SLCO1A2: variants seen among roughly 807,000 people sequenced by gnomAD.
SLCO1A2 encodes OATP-1.
Under a neutral mutation model 69.0 loss-of-function variants are expected in SLCO1A2, and 67 were observed. The observed-to-expected ratio is 0.97, with a 90% CI of 0.80 to 1.19. The LOEUF is 1.19. Ranked by LOEUF, SLCO1A2 falls within the 50% of genes most tolerant of loss-of-function variation. The pLI is 0.00. For synonymous variants in SLCO1A2, 260 were observed against 265.9 expected (o/e 0.98, Z 0.22); for missense variants, 787 against 793.7 (o/e 0.99, Z 0.10).
At chr12:21,325,242 A>T (rs539338524) in intron 2 of SLCO1A2, among the ~76,000 whole-genome samples, 4 of 152,310 alleles carry the variant, frequency 2.6e-5, no homozygotes, top group Admixed American at 2.6e-4. Context: ...ACATGACTTC[A>T]GTTTCATAGT....
At chr12:21,342,616 C>T (rs964025968) in intron 2 of SLCO1A2, among the ~76,000 whole-genome samples, 16 of 151,828 alleles carry the variant, frequency 1.1e-4, no homozygotes, top group African/African-American at 3.9e-4. Flanking sequence ...GTGTATGTCA[C>T]AAATTAAATA....
At chr12:21,308,712 A>G (rs1949734822) in intron 4 of SLCO1A2, among the ~76,000 whole-genome samples, 2 of 152,236 alleles carry the variant, frequency 1.3e-5, no homozygotes, top group African/African-American at 4.8e-5. Context: ...AGATTGAAGA[A>G]TTCCTGTCTA....
intron 2 of SLCO1A2, among the ~76,000 whole-genome samples, chr12:21,341,446 GTAA>G (rs1159545869): frequency 1.3e-5 from 1 of 77,510 alleles, no homozygotes; most frequent in East Asian, 0.019. Context: ...CTTTAAAAAT[GTAA>G]TAAGAATATA....
In SLCO1A2 at chr12:21,306,662, A is replaced by T. The variant is rs552297014; in HGVS notation, c.442+220T>A. On this transcript the variant is annotated intron_variant, in intron 5 of 14. Transcript: ENST00000683939. The stretch of plus-strand genomic sequence containing the variant: ...TTTTTAGATAACATGTTAATAAATA[A>T]ACAAGGAACTCTCAATAAATACATT... Among the ~76,000 whole-genome samples, 180 of 152,318 alleles carry T rather than the reference A, an allele frequency of 1.2e-3. 1 individual carries two copies. The highest frequency in any genetic ancestry group is 3.9e-3 in the African/African-American group (162 of 41,582).
At chr12:21,386,612 T>A (rs1199644862) in intron 1 of SLCO1A2, among the ~76,000 whole-genome samples, 3 of 152,134 alleles carry the variant, frequency 2.0e-5, no homozygotes, top group Admixed American at 2.0e-4. Flanking sequence ...CATGATTGTG[T>A]GGCCCCCCCA....
rs1022619897 is a variant in SLCO1A2 at position 21,389,766 on chromosome 12, A to C, written c.-190+5140T>G. ...ACACATACAAATCACAAATGGCATA[A>C]GTGCCACTAAGAAATGAAGAAAAAG... On this transcript the variant is annotated intron_variant, in intron 1 of 15. Transcript: ENST00000307378. Among the ~76,000 whole-genome samples, 15 of 152,030 alleles carry C rather than the reference A, an allele frequency of 9.9e-5. No individual in the cohort carries two copies. The East Asian group carries it at 2.9e-3, about 29-fold the overall frequency.
chr12:21,334,533 C>T (rs183710893), intron 2 of SLCO1A2, 55 bp downstream of exon 2: 11 of 1,299,908 alleles, frequency 8.5e-6, no homozygotes, highest in Admixed American at 5.5e-5. Flanking sequence ...CCAGGACTGT[C>T]GTATTTTAAA....
chr12:21,374,529 C>A (rs926674578), intron 1 of SLCO1A2: 3 of 152,132 alleles, frequency 2.0e-5, no homozygotes, highest in African/African-American at 7.2e-5. Flanking sequence ...ACAGCACCTA[C>A]GTATAATAAA....
intron 2 of SLCO1A2, among the ~76,000 whole-genome samples, chr12:21,350,337 A>AG (rs1372189531): frequency 1.3e-5 from 2 of 152,116 alleles, no homozygotes; most frequent in Admixed American, 6.5e-5. Flanking sequence ...TACAAAAAAA[A>AG]AGAGAGAAAA....
intron 2 of SLCO1A2, among the ~76,000 whole-genome samples, chr12:21,367,203 A>T (rs1939452990): frequency 6.6e-6 from 1 of 152,194 alleles, no homozygotes; most frequent in African/African-American, 2.4e-5. Flanking sequence ...ATAATTCTGA[A>T]TAAAAATAAT....
chr12:21,380,666 A>T (rs1191991737), intron 1 of SLCO1A2, among the ~76,000 whole-genome samples: 3 of 152,214 alleles, frequency 2.0e-5, no homozygotes, highest in Non-Finnish European at 4.4e-5. Flanking sequence ...GAAAAAAATA[A>T]TGAGAATAAC....
intron 10 of SLCO1A2, 106 bp downstream of exon 10, chr12:21,295,491 T>C (rs553972682): frequency 1.7e-5 from 12 of 722,618 alleles, no homozygotes; most frequent in Admixed American, 2.6e-5. Context: ...TGGATTACTA[T>C]CATTAACTCC....
intron 4 of SLCO1A2, among the ~76,000 whole-genome samples, chr12:21,313,982 T>TAAAAAAAAAAAAA (rs71043263): frequency 7.3e-6 from 1 of 136,420 alleles, no homozygotes; most frequent in Non-Finnish European, 1.6e-5. Context: ...TAATAAATAA[T>TAAAAAAAAAAAAA]AAAAAAAAAA....
At chr12:21,321,981 G>A (rs1365477622) in intron 2 of SLCO1A2, among the ~76,000 whole-genome samples, 1 of 152,104 alleles carries the variant, frequency 6.6e-6, no homozygotes, top group Admixed American at 6.5e-5. Context: ...CTGTGGCCCT[G>A]GTGCCTACTA....
upstream of SLCO1A2, among the ~76,000 whole-genome samples, chr12:21,339,583 A>T (rs1953000366): frequency 6.6e-6 from 1 of 151,978 alleles, no homozygotes; most frequent in Non-Finnish European, 1.5e-5. Flanking sequence ...GAGGGATATT[A>T]TATGGAAAAC....
At position 21,292,209 on chromosome 12, in the gene SLCO1A2, A is replaced by C; in HGVS notation, c.1565T>G (p.Phe522Cys). The change falls in exon 12 of 15, where the codon TTC (phenylalanine) becomes TGC (cysteine). Residue 522 changes from phenylalanine to cysteine, a missense_variant. Physicochemically the swap from Phe to Cys is radical, Grantham distance 205. Coordinates refer to ENST00000683939, the MANE Select transcript of SLCO1A2 (RefSeq NM_001386879.1). ...AGGTATGGCAGCCAAAGAATAAATGAAACTGCTCATCGCTGACAAGATTAG... is the reference window on the plus strand; with the variant it reads ...AGGTATGGCAGCCAAAGAATAAATGCAACTGCTCATCGCTGACAAGATTAG... ...YFLILSAMSS[F>C]IYSLAAIPGY... is the part of the protein sequence containing the mutation. 6.2e-7 allele frequency: 1 copy of C among 1,610,476 alleles called. No homozygotes were observed. The highest frequency in any genetic ancestry group is 1.1e-5 in the South Asian group (1 of 90,612).
intron 2 of SLCO1A2, among the ~76,000 whole-genome samples, chr12:21,328,074 A>G (rs1371342789): frequency 6.6e-6 from 1 of 152,164 alleles, no homozygotes; most frequent in Non-Finnish European, 1.5e-5. Flanking sequence ...GTTTTATAAA[A>G]GGCAGTTCCC....
At chr12:21,373,557 A>G in intron 2 of SLCO1A2, 1 of 731,134 alleles carries the variant, frequency 1.4e-6, no homozygotes, top group Non-Finnish European at 2.5e-6. Context: ...CAGTACCTTC[A>G]GCTATTCCAT....
At chr12:21,368,187 G>C (rs550973157) in intron 2 of SLCO1A2, among the ~76,000 whole-genome samples, 2 of 152,064 alleles carry the variant, frequency 1.3e-5, no homozygotes, top group Admixed American at 1.3e-4. Context: ...ACAGCATCAC[G>C]TGAGACATAT....
Sources: gnomAD v4.1 joint callset for allele counts (sites outside exome capture counted in the v4.1 genomes callset) on GRCh38, gnomAD v4.1.1 for gene constraint, MANE v1.5 for transcripts, NCBI Gene and HGNC (gene_info 2026-07-23, HGNC 2026-07-21) for gene names.